The following SAP130 variants were observed in gnomAD, a reference collection of about 807,000 sequenced individuals.
SAP130 encodes the protein Sin3A associated protein 130, also known as histone deacetylase complex subunit SAP130.
A neutral mutation model predicts 103.2 loss-of-function variants in SAP130; 16 were observed. That is an observed-to-expected ratio of 0.16 (90% CI 0.10 to 0.24). The LOEUF (loss-of-function observed/expected upper bound fraction) is 0.24, where lower values mean the gene tolerates loss of function less well. Ranked by LOEUF, SAP130 falls within the 10% of genes least tolerant of loss-of-function variation. SAP130 has a pLI of 1.00. For missense variants in SAP130, 990 were observed against 1,359.7 expected, an observed-to-expected ratio of 0.73 and a Z score of 4.28; for synonymous variants, 477 against 497.0, an observed-to-expected ratio of 0.96 and a Z score of 0.53.
chr2:127,983,877 A>G (rs944258139), intron 14 of SAP130, among the ~76,000 whole-genome samples: 3 of 141,412 alleles, frequency 2.1e-5, no homozygotes, highest in Admixed American at 1.5e-4. Flanking sequence ...AGAATCACAC[A>G]CAAGTTACCT....
At chr2:128,016,597 T>C (rs1404208524) in intron 3 of SAP130, 50 bp from the exon 4 acceptor site, 4 of 1,553,660 alleles carry the variant, frequency 2.6e-6, no homozygotes, top group Non-Finnish European at 3.5e-6. Context: ...ATACTGGTGA[T>C]GCATTTCAAT....
intron 15 of SAP130, among the ~76,000 whole-genome samples, chr2:127,964,717 G>A (rs1680515910): frequency 6.6e-6 from 1 of 152,200 alleles, no homozygotes; most frequent in African/African-American, 2.4e-5. Context: ...ACTAACACTG[G>A]CTGGGCGTGG....
intron 15 of SAP130, among the ~76,000 whole-genome samples, chr2:127,972,915 T>A (rs931588148): frequency 6.6e-6 from 1 of 152,036 alleles, no homozygotes; most frequent in Non-Finnish European, 1.5e-5. Flanking sequence ...CCGGGGTGAC[T>A]GGGCAAGACC....
intron 5 of SAP130, 123 bp from the exon 6 acceptor site, chr2:128,013,277 C>A: frequency 1.3e-6 from 1 of 766,422 alleles, no homozygotes; most frequent in South Asian, 2.7e-5. Flanking sequence ...TGTATACTTC[C>A]CATTTCATCA....
chr2:128,005,635 A>C (rs1228266267), intron 7 of SAP130, among the ~76,000 whole-genome samples: 1 of 151,860 alleles, frequency 6.6e-6, no homozygotes, highest in Non-Finnish European at 1.5e-5. Flanking sequence ...CAAACTGTTC[A>C]TATAGTTTTT....
intron 14 of SAP130, among the ~76,000 whole-genome samples, chr2:127,982,686 T>C (rs546415204): frequency 2.6e-5 from 4 of 152,332 alleles, no homozygotes; most frequent in African/African-American, 4.8e-5. Context: ...CTGCTGCAAT[T>C]TGCTGTACAT....
chr2:127,989,529 T>C lies in SAP130; in HGVS notation c.1780+35A>G. 3.2e-6 allele frequency: 5 copies of C among 1,567,398 alleles called. No homozygotes were observed. Among genetic ancestry groups the C allele is most frequent in the Non-Finnish European group, 4.3e-6 (5 of 1,154,216 alleles). On this transcript the variant is annotated intron_variant, in intron 13 of 20. Coordinates refer to ENST00000643581, the MANE Select transcript of SAP130 (RefSeq NM_001330301.2). This position sits in a 1 kb window ranked among gnomAD's most constrained non-coding sequence, Gnocchi z 4.6. ...TTTAAACCCAAATGTATTTCTTTTCTCCAAACCACCTTCTATGCAAAAATT... is the reference window on the plus strand; with the variant it reads ...TTTAAACCCAAATGTATTTCTTTTCCCCAAACCACCTTCTATGCAAAAATT...
intron 19 of SAP130, among the ~76,000 whole-genome samples, chr2:127,943,886 T>C (rs1320460869): frequency 6.6e-6 from 1 of 152,258 alleles, no homozygotes; most frequent in Non-Finnish European, 1.5e-5. Flanking sequence ...ATACTCTTTT[T>C]ACTTTATAAA....
chr2:128,000,577 T>G (rs1290716880), intron 7 of SAP130, 123 bp from the exon 8 acceptor site: 1 of 1,094,120 alleles, frequency 9.1e-7, no homozygotes, highest in East Asian at 2.6e-5. Context: ...CAATACTTGG[T>G]CTTTAATCAC....
chr2:127,967,359 A>T (rs1354098105), intron 15 of SAP130, among the ~76,000 whole-genome samples: 1 of 152,220 alleles, frequency 6.6e-6, no homozygotes, highest in Non-Finnish European at 1.5e-5. Flanking sequence ...ATACTGACAG[A>T]ATTAAAGGGA....
intron 14 of SAP130, among the ~76,000 whole-genome samples, chr2:127,984,954 GC>G (rs975476679): frequency 2.6e-5 from 4 of 152,098 alleles, no homozygotes; most frequent in African/African-American, 9.7e-5. Context: ...CCCTTCCTTC[GC>G]CCCCAGGATT....
intron 7 of SAP130, among the ~76,000 whole-genome samples, chr2:128,002,535 AT>A (rs1200453696): frequency 1.3e-5 from 2 of 152,054 alleles, no homozygotes; most frequent in Non-Finnish European, 2.9e-5. Context: ...TCTCAAAAAA[AT>A]AAATAAAAAA....
At chr2:128,014,231 T>C (rs1684603253) in intron 5 of SAP130, among the ~76,000 whole-genome samples, 1 of 140,966 alleles carries the variant, frequency 7.1e-6, no homozygotes, top group Admixed American at 6.9e-5. Flanking sequence ...TGCGATTTTT[T>C]TTCTTTTTCT....
At chr2:128,003,243 A>C (rs887405369) in intron 7 of SAP130, among the ~76,000 whole-genome samples, 1 of 151,858 alleles carries the variant, frequency 6.6e-6, no homozygotes, top group Non-Finnish European at 1.5e-5. Context: ...GCAGTGGCTC[A>C]CATCTGTAAG....
At chr2:128,018,101 C>A (rs957194839) in intron 2 of SAP130, among the ~76,000 whole-genome samples, 186 bp from the exon 3 acceptor site, 2 of 152,070 alleles carry the variant, frequency 1.3e-5, no homozygotes, top group Non-Finnish European at 2.9e-5. Flanking sequence ...AAAAGAGCCA[C>A]AACTGTGGAA....
chr2:127,964,584 A>G (rs970854659), intron 15 of SAP130, among the ~76,000 whole-genome samples: 3 of 151,850 alleles, frequency 2.0e-5, no homozygotes, highest in African/African-American at 7.2e-5. Context: ...TGAAAGCATT[A>G]TTTAGAAGAA....
intron 14 of SAP130, among the ~76,000 whole-genome samples, chr2:127,982,639 C>T (rs1037864754): frequency 5.3e-5 from 8 of 152,140 alleles, no homozygotes; most frequent in African/African-American, 1.9e-4. Flanking sequence ...AGTGCGTCTG[C>T]GAGGCTAAGC....
chr2:127,945,354 G>A (rs1679002363), intron 19 of SAP130, 102 bp downstream of exon 19: 2 of 692,474 alleles, frequency 2.9e-6, no homozygotes, highest in East Asian at 2.6e-5. Context: ...ATGTTAGCTG[G>A]GAATGCTTCA....
intron 15 of SAP130, among the ~76,000 whole-genome samples, chr2:127,977,302 C>T (rs180994611): frequency 8.2e-4 from 115 of 140,064 alleles, no homozygotes; most frequent in African/African-American, 3.0e-3. Context: ...CCAGCCTGGC[C>T]GACATGGCGA....
Sources: allele counts gnomAD v4.1 joint callset (sites outside exome capture counted in the v4.1 genomes callset), GRCh38; gene constraint gnomAD v4.1.1; non-coding constraint Gnocchi (gnomAD v3.1); transcripts MANE v1.5; gene names NCBI Gene and HGNC (gene_info 2026-07-23, HGNC 2026-07-21).